EPHA3: variants seen among roughly 807,000 people sequenced by gnomAD.
EPHA3 encodes the protein EPH receptor A3, also known as ephrin type-A receptor 3.
EPHA3 carries 42 observed loss-of-function variants against 107.1 expected under a neutral mutation model. The observed-to-expected ratio is 0.39, with a 90% CI of 0.31 to 0.51. The LOEUF (loss-of-function observed/expected upper bound fraction) is 0.51. Among genes scored for constraint, EPHA3 ranks in the 20% least tolerant of loss-of-function variants. The pLI is 0.78. For synonymous variants in EPHA3, 461 were observed against 424.8 expected (o/e 1.09, Z -1.05); for missense variants, 1,183 against 1,211.2 (o/e 0.98, Z 0.35).
intron 2 of EPHA3, among the ~76,000 whole-genome samples, chr3:89,178,684 T>G (rs1238904113): frequency 6.6e-6 from 1 of 151,922 alleles, no homozygotes; most frequent in East Asian, 1.9e-4. Flanking sequence ...TATAATGTAT[T>G]AACTAAAATA....
intron 2 of EPHA3, among the ~76,000 whole-genome samples, chr3:89,151,487 T>C (rs538076023): frequency 3.4e-4 from 52 of 152,162 alleles, no homozygotes; most frequent in African/African-American, 9.1e-4. Context: ...AGCCAGTCAC[T>C]TGGGGACATT....
chr3:89,210,402 C>G lies in EPHA3; in HGVS notation c.696C>G (p.Asn232Lys). The part of the protein sequence containing the change: ...SLVEVRGSCV[N>K]NSKEEDPPRM... ...TGGAGGTTAGAGGGTCTTGTGTCAA[C>G]AATTCTAAGGAGGAAGATCCTCCAA... Residue 232 changes from asparagine (N) to lysine (K), a missense_variant, in exon 3 of 17, where the codon AAC (asparagine) becomes AAG (lysine). By Grantham distance (94) the Asn-to-Lys change is moderately conservative. Transcript: ENST00000336596. The G allele has an allele frequency of 6.2e-7, 1 of 1,613,788 alleles. No individual in the cohort carries two copies. The highest frequency in any genetic ancestry group is 8.5e-7 in the Non-Finnish European group (1 of 1,179,866).
At chr3:89,145,525 C>A (rs560735196) in intron 2 of EPHA3, among the ~76,000 whole-genome samples, 1 of 151,818 alleles carries the variant, frequency 6.6e-6, no homozygotes, top group African/African-American at 2.4e-5. Context: ...TCTTATCTTG[C>A]AATCTTTTCT....
intron 8 of EPHA3, 87 bp downstream of exon 8, chr3:89,407,458 C>T: frequency 2.9e-6 from 3 of 1,040,692 alleles, no homozygotes; most frequent in Non-Finnish European, 4.4e-6. Flanking sequence ...AGAGTGTGCT[C>T]AATAAAATAT....
rs1707805880 is a variant in EPHA3 at position 89,351,163 on chromosome 3, C to A, written c.1306+9073C>A. Reference sequence around the variant, plus strand: ...GCTCCACCCAGTTCGAGCTTCCCCGCTGCTTTGTTTACCTAAGCAAGCCTG... The same window carrying A: ...GCTCCACCCAGTTCGAGCTTCCCCGATGCTTTGTTTACCTAAGCAAGCCTG... On this transcript the variant is annotated intron_variant, in intron 5 of 16. Transcript: ENST00000336596. 1.3e-5 allele frequency among the ~76,000 whole-genome samples: 2 copies of A among 151,340 alleles called. 1 individual carries two copies.
At chr3:89,361,014 C>A (rs542836619) in intron 5 of EPHA3, among the ~76,000 whole-genome samples, 10 of 151,136 alleles carry the variant, frequency 6.6e-5, no homozygotes, top group African/African-American at 2.4e-4. Context: ...TGCTAACTCA[C>A]AATTATGGCA....
chr3:89,318,373 C>A (rs1706959348), intron 3 of EPHA3, among the ~76,000 whole-genome samples: 1 of 151,654 alleles, frequency 6.6e-6, no homozygotes, highest in Non-Finnish European at 1.5e-5. Context: ...ATTTTTTCAT[C>A]CTTTGATTTG....
At chr3:89,441,297 T>C (rs770130678) in intron 13 of EPHA3, among the ~76,000 whole-genome samples, 5 of 152,190 alleles carry the variant, frequency 3.3e-5, no homozygotes, top group Admixed American at 6.5e-5. Context: ...GGAGCAAACA[T>C]TAGCTTCTGA....
chr3:89,431,282 A>G lies in EPHA3; in HGVS notation c.2269A>G (p.Asn757Asp), dbSNP rs1483346637. The change falls in exon 13 of 17, where the codon AAC becomes GAC. Residue 757 changes from asparagine to aspartate, a missense_variant. Physicochemically the swap from Asn to Asp is conservative, Grantham distance 23. Coordinates refer to ENST00000336596, the MANE Select transcript of EPHA3 (RefSeq NM_005233.6). ...LAARNILINS[N>D]LVCKVSDFGL... is the part of the protein sequence containing the mutation. ...TGCTCGGAACATCTTGATCAACAGT[A>G]ACTTGGTGTGTAAGGTTTCTGATTT... 1.9e-6 allele frequency: 3 copies of G among 1,613,542 alleles called. No individual in the cohort carries two copies. The Admixed American group carries it at 5.0e-5, about 27-fold the overall frequency.
intron 3 of EPHA3, among the ~76,000 whole-genome samples, chr3:89,281,441 TG>T (rs1705946364): frequency 6.6e-6 from 1 of 152,162 alleles, no homozygotes; most frequent in Non-Finnish European, 1.5e-5. Context: ...CAGCTCCCTT[TG>T]AAATGGAAAC....
chr3:89,424,194 C>A (rs1441251194), intron 11 of EPHA3, among the ~76,000 whole-genome samples: 1 of 151,376 alleles, frequency 6.6e-6, no homozygotes, highest in Non-Finnish European at 1.5e-5. Context: ...AAAGATACTA[C>A]ACCATTTCCC....
chr3:89,419,377 A>G lies in EPHA3; in HGVS notation c.2061A>G (p.Gly687=), dbSNP rs1559689207. The G allele has an allele frequency of 4.4e-6, 7 of 1,589,776 alleles. No individual in the cohort carries two copies. Among genetic ancestry groups the G allele is most frequent in the Admixed American group, 3.6e-5 (2 of 55,520 alleles). The part of the protein sequence containing the change: ...FDHPNIIRLE[G]VVTKSKPVMI... ...ACCCCAATATCATTCGACTGGAAGGAGTTGTTACCAAAAGTAAGTAAAGTA... is the reference window on the plus strand; with the variant it reads ...ACCCCAATATCATTCGACTGGAAGGGGTTGTTACCAAAAGTAAGTAAAGTA... The change falls in exon 11 of 17, where the codon GGA becomes GGG. Residue 687 remains glycine (G), a synonymous_variant. Coordinates refer to ENST00000336596, the MANE Select transcript of EPHA3 (RefSeq NM_005233.6).
Position 89,280,025 on chromosome 3 carries a change from C to CTGTG in EPHA3, c.815-60860_815-60857dup, listed in dbSNP as rs59488710. On this transcript the variant is annotated intron_variant, in intron 3 of 16. Coordinates refer to ENST00000336596, the MANE Select transcript of EPHA3 (RefSeq NM_005233.6). ...ATGTTTCAACAATTCTTGTGTGCAC[C>CTGTG]TGTGTGTGTGTGTGTGTGTGTGTGT... Among the ~76,000 whole-genome samples the CTGTG allele has an allele frequency of 3.1e-3, 448 of 144,760 alleles. 2 individuals carry two copies. The highest frequency in any genetic ancestry group is 8.2e-3 in the African/African-American group (325 of 39,558). The allele number at this position is 144,760 out of a possible 152,430, so 95.0% of individuals were successfully genotyped here. A position where few individuals can be genotyped will look rare whatever the true frequency, so the allele number is the denominator to read the frequency against.
chr3:89,478,047 G>A (rs1323540319), intron 16 of EPHA3, among the ~76,000 whole-genome samples: 1 of 152,092 alleles, frequency 6.6e-6, no homozygotes, highest in East Asian at 1.9e-4. Flanking sequence ...ATTAGAGGGG[G>A]ATGTTTGAGC....
In EPHA3 at chr3:89,481,497, T is replaced by C. The variant is rs1200365501; in HGVS notation, c.*1995T>C. ...AGATCTGAATGTGGTTTCAATCTAA[T>C]TTTTTCCCAGACTACTATTTTCTTT... is the stretch of plus-strand genomic sequence containing the variant. On this transcript the variant is annotated 3_prime_UTR_variant, in exon 17 of 17. Coordinates refer to ENST00000336596, the MANE Select transcript of EPHA3 (RefSeq NM_005233.6). 2 of 232,196 alleles carry C rather than the reference T, an allele frequency of 8.6e-6. No homozygotes were observed. The highest frequency in any genetic ancestry group is 1.7e-5 in the Non-Finnish European group (2 of 117,514). 14.4% of individuals were successfully genotyped at this position (232,196 alleles called of 1,614,324 possible).
At chr3:89,333,611 T>C (rs1382324769) in intron 3 of EPHA3, among the ~76,000 whole-genome samples, 3 of 152,168 alleles carry the variant, frequency 2.0e-5, no homozygotes, top group Non-Finnish European at 2.9e-5. Context: ...GGGTGGCTCA[T>C]GCCTGTAATC....
chr3:89,177,362 A>T (rs758006381), intron 2 of EPHA3, among the ~76,000 whole-genome samples: 5 of 152,092 alleles, frequency 3.3e-5, no homozygotes, highest in Admixed American at 6.5e-5. Flanking sequence ...AGCGACCACA[A>T]GTCTGAGGCC....
chr3:89,305,261 A>T (rs1706587886), intron 3 of EPHA3, among the ~76,000 whole-genome samples: 1 of 152,114 alleles, frequency 6.6e-6, no homozygotes, highest in Admixed American at 6.6e-5. Flanking sequence ...TTTCAACATG[A>T]TGAGTTATTT....
At chr3:89,453,702 C>T (rs1449742626) in intron 15 of EPHA3, among the ~76,000 whole-genome samples, 2 of 152,046 alleles carry the variant, frequency 1.3e-5, no homozygotes, top group African/African-American at 4.8e-5. Flanking sequence ...ATTTGCTTTC[C>T]TACTTTTGAC....
Sources: gnomAD v4.1 joint callset for allele counts (sites outside exome capture counted in the v4.1 genomes callset) on GRCh38, gnomAD v4.1.1 for gene constraint, MANE v1.5 for transcripts, NCBI Gene and HGNC (gene_info 2026-07-23, HGNC 2026-07-21) for gene names.